The following HIPK1 variants were observed in gnomAD, a reference collection of about 807,000 sequenced individuals.
The protein encoded by HIPK1 is homeodomain-interacting protein kinase 1.
HIPK1 carries 28 observed loss-of-function variants against 117.1 expected under a neutral mutation model. The ratio of observed to expected loss-of-function variants is 0.24; its 90% CI spans 0.18 to 0.33. The LOEUF is 0.33. Ranked by LOEUF, HIPK1 falls within the 10% of genes least tolerant of loss-of-function variation. The pLI is 1.00. For missense variants in HIPK1, 1,122 were observed against 1,475.1 expected (o/e 0.76, Z 3.92); for synonymous variants, 605 against 562.5 (o/e 1.08, Z -1.07).
In HIPK1 at chr1:113,970,099, CTGGCAGAGTTG is replaced by C; in HGVS notation, c.2923_2933del (p.Val975TrpfsTer18). On this transcript the variant is annotated frameshift_variant, in exon 14 of 16. Transcript: ENST00000426820. LOFTEE classifies it high-confidence loss of function. Reference sequence around the variant, plus strand: ...AATAGTGGATCCGTTTTGGAGGGGCCTGGCAGAGTTGTGGCAGATGGCACTGGCACCCGCAC... The same window carrying C: ...AATAGTGGATCCGTTTTGGAGGGGCCTGGCAGATGGCACTGGCACCCGCAC... 6.2e-7 allele frequency: 1 copy of C among 1,614,150 alleles called. No individual in the cohort carries two copies. Among genetic ancestry groups the C allele is most frequent in the Non-Finnish European group, 8.5e-7 (1 of 1,180,034 alleles).
Position 113,929,773 on chromosome 1 carries a change from T to TC in HIPK1, c.-3+246dup, listed in dbSNP as rs1669716019. 1.0e-5 allele frequency: 8 copies of TC among 771,848 alleles called. No homozygotes were observed. In the South Asian group the frequency reaches 3.5e-4, roughly 34 times the overall value. The allele number at this position is 771,848 out of a possible 1,614,324, so 47.8% of individuals were successfully genotyped here. A position where few individuals can be genotyped will look rare whatever the true frequency, so the allele number is the denominator to read the frequency against. ...GGAGCGGGAGGGAGGCTGAGGAGGCTCCCCCTGCGGGACGGGCGCGGGGAC... is the reference window on the plus strand; with the variant it reads ...GGAGCGGGAGGGAGGCTGAGGAGGCTCCCCCCTGCGGGACGGGCGCGGGGAC... On this transcript the variant is annotated intron_variant, in intron 1 of 15. Coordinates refer to ENST00000426820, the MANE Select transcript of HIPK1 (RefSeq NM_198268.3).
chr1:113,976,949 C>G lies in HIPK1; in HGVS notation c.*3437C>G, dbSNP rs1021310025. On this transcript the variant is annotated 3_prime_UTR_variant, in exon 16 of 16. Transcript: ENST00000426820. ...GTCACTCCAGAGTTTTTAATAGCTC[C>G]CAGGAGGTGATATTATTTTCAGTGC... The G allele has an allele frequency of 3.3e-5, 5 of 152,734 alleles. No homozygotes were observed. The highest frequency in any genetic ancestry group is 1.2e-4 in the African/African-American group (5 of 41,422). The allele number at this position is 152,734 out of a possible 1,614,324, so 9.5% of individuals were successfully genotyped here. A position where few individuals can be genotyped will look rare whatever the true frequency, so the allele number is the denominator to read the frequency against.
intron 11 of HIPK1, 131 bp from the exon 12 acceptor site, chr1:113,967,635 C>T: frequency 2.0e-6 from 1 of 491,730 alleles, no homozygotes; most frequent in Middle Eastern, 5.4e-4. Flanking sequence ...AATCCCTTAT[C>T]AGATGGTAGG....
intron 14 of HIPK1, among the ~76,000 whole-genome samples, chr1:113,971,193 A>G (rs894590920): frequency 5.3e-5 from 8 of 151,940 alleles, no homozygotes; most frequent in African/African-American, 1.9e-4. Flanking sequence ...ATTGCAGACA[A>G]GAGAGAGAGC....
chr1:113,955,723 C>T, intron 5 of HIPK1, 74 bp downstream of exon 5: 1 of 734,088 alleles, frequency 1.4e-6, no homozygotes, highest in East Asian at 2.6e-5. Context: ...ATACTAAAGA[C>T]AAATTTAATG....
intron 5 of HIPK1, 50 bp from the exon 6 acceptor site, chr1:113,956,577 C>T: frequency 7.3e-7 from 1 of 1,371,688 alleles, no homozygotes; most frequent in Non-Finnish European, 1.0e-6. Flanking sequence ...TATGTAGTGT[C>T]AGTGCCAAAG....
In HIPK1 at chr1:113,940,392, A is replaced by G; in HGVS notation, c.9A>G (p.Ser3=). 1.2e-6 allele frequency: 2 copies of G among 1,601,018 alleles called. No individual in the cohort carries two copies. The highest frequency in any genetic ancestry group is 2.2e-5 in the South Asian group (2 of 89,780). Residue 3 remains serine, a synonymous_variant, in exon 2 of 16, where the codon TCA becomes TCG. Coordinates refer to ENST00000426820, the MANE Select transcript of HIPK1 (RefSeq NM_198268.3). MA[S]QLQVFSPPSV... ...TTTCTCTCAATATAGGTATGGCATC[A>G]CAGCTGCAAGTGTTTTCGCCCCCAT...
intron 10 of HIPK1, among the ~76,000 whole-genome samples, chr1:113,963,817 A>T (rs1335666396): frequency 6.6e-6 from 1 of 152,110 alleles, no homozygotes; most frequent in Non-Finnish European, 1.5e-5. Context: ...GCCTAGTGTG[A>T]TAAAAGCTCT....
At chr1:113,952,434 TC>T (rs1671430165) in intron 2 of HIPK1, among the ~76,000 whole-genome samples, 1 of 152,212 alleles carries the variant, frequency 6.6e-6, no homozygotes, top group Non-Finnish European at 1.5e-5. Flanking sequence ...CTATTTGAAG[TC>T]TTTATTTAGC....
intron 9 of HIPK1, 68 bp downstream of exon 9, chr1:113,962,506 A>G: frequency 6.7e-7 from 1 of 1,497,356 alleles, no homozygotes; most frequent in Non-Finnish European, 9.1e-7. Context: ...ATTTTGTCCT[A>G]GAAAATGGTA....
At position 113,940,902 on chromosome 1, in the gene HIPK1, G is replaced by T; in HGVS notation, c.519G>T (p.Gly173=). The T allele has an allele frequency of 6.2e-7, 1 of 1,614,084 alleles. No homozygotes were observed. Among genetic ancestry groups the T allele is most frequent in the South Asian group, 1.1e-5 (1 of 91,084 alleles). ...TTKSSSSSGE[G]DYQLVQHEIL... The stretch of plus-strand genomic sequence containing the variant: ...AGAGTAGCAGTTCCAGCGGAGAAGG[G>T]GATTACCAGCTGGTCCAGCATGAGA... The change falls in exon 2 of 16, where the codon GGG becomes GGT. Residue 173 remains glycine, a synonymous_variant. Coordinates refer to ENST00000426820, the MANE Select transcript of HIPK1 (RefSeq NM_198268.3).
chr1:113,957,324 GGGATAGAAA>G (rs1303173731), intron 7 of HIPK1, 38 bp downstream of exon 7: 1 of 1,540,544 alleles, frequency 6.5e-7, no homozygotes, highest in Admixed American at 1.7e-5. Flanking sequence ...AAGCTTAAGT[GGGATAGAAA>G]CTAGTAAGAA....
chr1:113,942,405 TG>T (rs1670710483), intron 2 of HIPK1, among the ~76,000 whole-genome samples: 1 of 152,340 alleles, frequency 6.6e-6, no homozygotes, highest in East Asian at 1.9e-4. Context: ...TTTACTTATT[TG>T]TAATGAATCT....
intron 2 of HIPK1, among the ~76,000 whole-genome samples, chr1:113,942,363 C>G (rs946784078): frequency 2.0e-5 from 3 of 152,184 alleles, no homozygotes; most frequent in African/African-American, 7.2e-5. Context: ...GCCATTTTCC[C>G]ATTTTGAAGA....
In HIPK1 at chr1:113,952,868, T is replaced by C; in HGVS notation, c.1179T>C (p.Pro393=). 6.5e-7 allele frequency: 1 copy of C among 1,539,878 alleles called. No individual in the cohort carries two copies. Among genetic ancestry groups the C allele is most frequent in the Non-Finnish European group, 8.8e-7 (1 of 1,141,726 alleles). Residue 393 remains proline, a synonymous_variant, in exon 3 of 16, where the codon CCT becomes CCC. Coordinates refer to ENST00000426820, the MANE Select transcript of HIPK1 (RefSeq NM_198268.3). ...TGTTCCTGGGATGGCCTCTTTATCC[T>C]GGTGCTTCAGAATATGATCAGGTAA... ...AELFLGWPLY[P]GASEYDQIRY... is the part of the protein sequence containing the mutation.
intron 1 of HIPK1, chr1:113,929,819 G>C (rs931952456): frequency 6.5e-6 from 6 of 929,288 alleles, no homozygotes; most frequent in Non-Finnish European, 7.7e-6. Flanking sequence ...GGCGGGGGCC[G>C]GGGCCCGGGC....
intron 7 of HIPK1, among the ~76,000 whole-genome samples, chr1:113,957,573 T>C (rs893145110): frequency 6.6e-6 from 1 of 152,266 alleles, no homozygotes; most frequent in Non-Finnish European, 1.5e-5. Context: ...TTACTGACTT[T>C]AGCCAAATGA....
At chr1:113,940,277 T>A in intron 1 of HIPK1, 105 bp from the exon 2 acceptor site, 7 of 1,040,832 alleles carry the variant, frequency 6.7e-6, no homozygotes, top group Non-Finnish European at 9.9e-6. Context: ...TATTACATCA[T>A]GTTTCTTTTA....
chr1:113,930,813 T>C (rs1669833550), intron 1 of HIPK1: 1 of 150,528 alleles, frequency 6.6e-6, no homozygotes, highest in Non-Finnish European at 1.5e-5. Flanking sequence ...GGGTTCAGGA[T>C]GGGAGGATGC....
Sources: allele counts gnomAD v4.1 joint callset (sites outside exome capture counted in the v4.1 genomes callset), GRCh38; gene constraint gnomAD v4.1.1; transcripts MANE v1.5; gene names NCBI Gene and HGNC (gene_info 2026-07-23, HGNC 2026-07-21).